CEP83: variants seen among roughly 807,000 people sequenced by gnomAD.
The protein encoded by CEP83 is centrosomal protein of 83 kDa.
In CEP83, 70 loss-of-function variants were observed where a neutral mutation model predicts 101.9. The ratio of observed to expected loss-of-function variants is 0.69; its 90% CI spans 0.57 to 0.84. The LOEUF (loss-of-function observed/expected upper bound fraction) is 0.84. CEP83 is among the 40% of genes least tolerant of loss of function. CEP83 has a pLI of 0.00. For synonymous variants in CEP83, 264 were observed against 267.9 expected, an observed-to-expected ratio of 0.99 and a Z score of 0.14; for missense variants, 715 against 787.2, an observed-to-expected ratio of 0.91 and a Z score of 1.10.
chr12:94,277,916 G>A, the CEP83 span: 1 of 456,010 alleles, frequency 2.2e-6, no homozygotes. Context: ...GTAGGCCTGA[G>A]GGTTCCCATC....
chr12:94,396,130 G>A (rs908378532), intron 6 of CEP83, among the ~76,000 whole-genome samples: 2 of 151,862 alleles, frequency 1.3e-5, no homozygotes, highest in African/African-American at 4.8e-5. Flanking sequence ...ACTCTGTATT[G>A]TCATTACTAT....
rs367944165 is a variant in CEP83, at chr12:94,335,683, C to G, written c.1344-19G>C. 1 of 1,473,844 alleles carries G rather than the reference C, an allele frequency of 6.8e-7. No individual in the cohort carries two copies. The allele number at this position is 1,473,844 out of a possible 1,614,324, so 91.3% of individuals were successfully genotyped here. On this transcript the variant is annotated intron_variant, in intron 11 of 16. Transcript: ENST00000397809. ...TTTTAACCTAAAAATCACAACCCAACAAAAGGCATTATTAAGAATCCATGA... is the reference window on the plus strand; with the variant it reads ...TTTTAACCTAAAAATCACAACCCAAGAAAAGGCATTATTAAGAATCCATGA...
chr12:94,364,111 C>T (rs2060908246), intron 11 of CEP83, among the ~76,000 whole-genome samples: 1 of 151,796 alleles, frequency 6.6e-6, no homozygotes, highest in African/African-American at 2.4e-5. Flanking sequence ...GGAGGATGGG[C>T]TAAAGGGGAG....
intron 14 of CEP83, among the ~76,000 whole-genome samples, chr12:94,316,592 T>C (rs1243868867): frequency 6.6e-6 from 1 of 151,996 alleles, no homozygotes; most frequent in African/African-American, 2.4e-5. Context: ...CAGTCTCAAG[T>C]AGGCCCCAGT....
chr12:94,373,924 T>C (rs1843446448), intron 8 of CEP83, among the ~76,000 whole-genome samples: 1 of 152,216 alleles, frequency 6.6e-6, no homozygotes, highest in Non-Finnish European at 1.5e-5. Context: ...ACCCTTCCAA[T>C]GGAATCTTTA....
At chr12:94,458,881 T>C (rs2067915428) in intron 1 of CEP83, among the ~76,000 whole-genome samples, 1 of 152,220 alleles carries the variant, frequency 6.6e-6, no homozygotes, top group Admixed American at 6.5e-5. Context: ...AACTGTAGGA[T>C]AGATACCTTT....
rs1003778596 is a variant in CEP83, at chr12:94,382,904, C to T, written c.550-3862G>A. Among the ~76,000 whole-genome samples, 86 of 152,058 alleles carry T rather than the reference C, an allele frequency of 5.7e-4. 1 individual carries two copies. Among genetic ancestry groups the T allele is most frequent in the African/African-American group, 1.8e-3 (76 of 41,534 alleles). On this transcript the variant is annotated intron_variant, in intron 6 of 16. Coordinates refer to ENST00000397809, the MANE Select transcript of CEP83 (RefSeq NM_016122.3). The stretch of plus-strand genomic sequence containing the variant: ...GTTCTGATGGTTGATGGTGTTATTG[C>T]GTTCTTATTTATCCTTGCTGATTTT...
At chr12:94,423,854 G>A in intron 2 of CEP83, 6 of 1,612,812 alleles carry the variant, frequency 3.7e-6, no homozygotes, top group Non-Finnish European at 5.1e-6. Context: ...GGAAGGCACA[G>A]GGGTGTACTG....
intron 14 of CEP83, chr12:94,328,255 C>T (rs1481366555): frequency 2.8e-6 from 1 of 359,734 alleles, no homozygotes; most frequent in Non-Finnish European, 5.6e-6. Context: ...GGAATACACT[C>T]TCTCTGTATG....
intron 2 of CEP83, among the ~76,000 whole-genome samples, chr12:94,419,287 T>A (rs1226991038): frequency 6.6e-6 from 1 of 151,876 alleles, no homozygotes; most frequent in African/African-American, 2.4e-5. Context: ...ATAAAAAATA[T>A]CAAAAACCTA....
intron 14 of CEP83, among the ~76,000 whole-genome samples, chr12:94,329,662 CGGCTTCAGATGTTTCTA>C: frequency 6.6e-6 from 1 of 152,270 alleles, no homozygotes; most frequent in African/African-American, 2.4e-5. Context: ...TGCTGTAACA[CGGCTTCAGATGTTTCTA>C]GGCTTCAAAC....
At position 94,331,722 on chromosome 12, in the gene CEP83, C is replaced by T. The variant is rs182648141; in HGVS notation, c.1685G>A (p.Arg562Gln). ...KYNQAKEKLQ[R>Q]AAIAQKKRKS... ...TGCCTTTTTCTGGGCAATTGCAGCT[C>T]GCTGCAGTTTCTCCTTAGCTTGATT... The change falls in exon 14 of 17, where the codon CGA (arginine) becomes CAA (glutamine). Residue 562 changes from arginine (R) to glutamine (Q), a missense_variant. Coordinates refer to ENST00000397809, the MANE Select transcript of CEP83 (RefSeq NM_016122.3). 1.5e-5 allele frequency: 24 copies of T among 1,613,744 alleles called. No individual in the cohort carries two copies. Among genetic ancestry groups the T allele is most frequent in the African/African-American group, 2.7e-5 (2 of 75,018 alleles).
At chr12:94,273,036 C>G in the CEP83 span, among the ~76,000 whole-genome samples, 2 of 152,276 alleles carry the variant, frequency 1.3e-5, no homozygotes, top group Non-Finnish European at 2.9e-5. Context: ...CCCACCGGCT[C>G]CATGATTTTG....
intron 1 of CEP83, among the ~76,000 whole-genome samples, chr12:94,445,564 A>G (rs1466302937): frequency 4.6e-5 from 7 of 152,212 alleles, no homozygotes. Flanking sequence ...TACCAGACTC[A>G]GGGGAAAAAC....
At chr12:94,380,071 CAAA>C (rs11362391) in intron 6 of CEP83, among the ~76,000 whole-genome samples, 7 of 83,190 alleles carry the variant, frequency 8.4e-5, no homozygotes, top group Non-Finnish European at 1.4e-4. Context: ...CCCGGCCCTG[CAAA>C]AAAAAAAAAA....
At chr12:94,441,373 T>C (rs2066383474) in intron 1 of CEP83, among the ~76,000 whole-genome samples, 1 of 152,102 alleles carries the variant, frequency 6.6e-6, no homozygotes. Context: ...AGGACATGAA[T>C]AGACAATTCT....
At chr12:94,282,696 AAG>A in the CEP83 span, 1 of 261,062 alleles carries the variant, frequency 3.8e-6, no homozygotes, top group Admixed American at 4.9e-5. Flanking sequence ...AAAGCCAGAG[AAG>A]AGTTATCCTT....
chr12:94,314,580 T>C (rs181684312), intron 14 of CEP83, among the ~76,000 whole-genome samples: 22 of 152,360 alleles, frequency 1.4e-4, no homozygotes, highest in African/African-American at 4.6e-4. Context: ...CTTACGATTA[T>C]TGCATAACCT....
chr12:94,416,230 T>C (rs2064253436), intron 2 of CEP83, among the ~76,000 whole-genome samples: 1 of 152,190 alleles, frequency 6.6e-6, no homozygotes, highest in Non-Finnish European at 1.5e-5. Context: ...TACATTTTCC[T>C]TTTATACTCA....
Sources: gnomAD v4.1 joint callset for allele counts (sites outside exome capture counted in the v4.1 genomes callset) on GRCh38, gnomAD v4.1.1 for gene constraint, MANE v1.5 for transcripts, NCBI Gene and HGNC (gene_info 2026-07-23, HGNC 2026-07-21) for gene names.